SLC4A7: variants seen among roughly 807,000 people sequenced by gnomAD.
SLC4A7 encodes solute carrier family 4 member 7, also known as sodium bicarbonate cotransporter 3.
A neutral mutation model predicts 137.6 loss-of-function variants in SLC4A7; 51 were observed. That is an observed-to-expected ratio of 0.37 (90% CI 0.30 to 0.47). SLC4A7 has a LOEUF of 0.47. SLC4A7 is among the 20% of genes least tolerant of loss of function. SLC4A7 has a pLI of 1.00. For synonymous variants in SLC4A7, 542 were observed against 518.6 expected, an observed-to-expected ratio of 1.05 and a Z score of -0.61; for missense variants, 1,247 against 1,525.4, an observed-to-expected ratio of 0.82 and a Z score of 3.04.
intron 1 of SLC4A7, among the ~76,000 whole-genome samples, chr3:27,458,020 C>T (rs1387170459): frequency 1.3e-5 from 2 of 152,024 alleles, no homozygotes; most frequent in Admixed American, 6.6e-5. Context: ...AATGGTGTTC[C>T]ATGAAAATAA....
At chr3:27,478,081 A>C (rs1463050248) in intron 1 of SLC4A7, among the ~76,000 whole-genome samples, 1 of 152,180 alleles carries the variant, frequency 6.6e-6, no homozygotes, top group East Asian at 1.9e-4. Context: ...GACTGAAAAG[A>C]AGCAATACAG....
At position 27,379,248 on chromosome 3, in the gene SLC4A7, CCT is replaced by C. The variant is rs2050184253; in HGVS notation, c.3697_3698del (p.Pro1234Ter). On this transcript the variant is annotated frameshift_variant and splice_region_variant, in exon 25 of 26. Transcript: ENST00000454389. LOFTEE classifies it high-confidence loss of function. ...ENAKVTRSNMSPDKPVSVKIS... is the reference protein window; with the variant it reads ...ENAKVTRSNMXPDKPVSVKIS... The stretch of plus-strand genomic sequence containing the variant: ...GAAAACACACAAATAGTTATAACTA[CCT>C]CATGTTAGATCTGGTTACTTTGGCA... 1 of 1,494,666 alleles carries C rather than the reference CCT, an allele frequency of 6.7e-7. No individual in the cohort carries two copies. The highest frequency in any genetic ancestry group is 1.4e-5 in the African/African-American group (1 of 72,198). 92.6% of individuals were successfully genotyped at this position (1,494,666 alleles called of 1,614,324 possible).
chr3:27,404,554 T>C (rs527941146), intron 14 of SLC4A7, among the ~76,000 whole-genome samples: 189 of 152,310 alleles, frequency 1.2e-3, no homozygotes, highest in African/African-American at 4.4e-3. Context: ...TTAAATTTGT[T>C]AGCACAAAGG....
rs918973127 is a variant in SLC4A7, at chr3:27,395,074, T to C, written c.2745A>G (p.Gly915=). 1.2e-6 allele frequency: 2 copies of C among 1,609,834 alleles called. No individual in the cohort carries two copies. The highest frequency in any genetic ancestry group is 1.7e-6 in the Non-Finnish European group (2 of 1,178,760). ...TTAATAAGGTCCACCAAGGATTATCTCCCAGTGGGCTTATGATCCACCCTC... is the reference window on the plus strand; with the variant it reads ...TTAATAAGGTCCACCAAGGATTATCCCCCAGTGGGCTTATGATCCACCCTC... ...PERGWIISPL[G]DNPWWTLLIA... is the part of the protein sequence containing the mutation. The change falls in exon 19 of 26, where the codon GGA becomes GGG. Residue 915 remains glycine, a synonymous_variant. Transcript: ENST00000454389.
intron 2 of SLC4A7, 84 bp downstream of exon 2, chr3:27,452,333 T>G: frequency 1.2e-6 from 1 of 841,000 alleles, no homozygotes; most frequent in Non-Finnish European, 1.8e-6. Flanking sequence ...CAACAAATAC[T>G]AGGTAAAACT....
intron 20 of SLC4A7, among the ~76,000 whole-genome samples, chr3:27,394,083 A>G (rs985862591): frequency 1.3e-5 from 2 of 152,260 alleles, no homozygotes; most frequent in Admixed American, 6.5e-5. Context: ...CAGTGGCCCA[A>G]TCACGGCTCA....
At chr3:27,459,477 T>C (rs913280147) in intron 1 of SLC4A7, among the ~76,000 whole-genome samples, 6 of 152,202 alleles carry the variant, frequency 3.9e-5, no homozygotes, top group African/African-American at 1.4e-4. Flanking sequence ...GCTAATTCTT[T>C]AAAGATTTAT....
intron 23 of SLC4A7, among the ~76,000 whole-genome samples, chr3:27,384,818 C>G (rs898418505): frequency 2.0e-5 from 3 of 151,858 alleles, no homozygotes; most frequent in South Asian, 4.2e-4. Context: ...CAAAAATAAG[C>G]CCAGTTTGGT....
At chr3:27,445,931 CAAAAAAAAA>C (rs1164631983) in intron 3 of SLC4A7, among the ~76,000 whole-genome samples, 2 of 58,524 alleles carry the variant, frequency 3.4e-5, no homozygotes, top group Non-Finnish European at 5.4e-5. Context: ...GGCTCAGTCT[CAAAAAAAAA>C]AAAAAAAAAA....
chr3:27,397,915 G>C (rs919685505), intron 17 of SLC4A7, 118 bp from the exon 18 acceptor site: 8 of 647,934 alleles, frequency 1.2e-5, no homozygotes, highest in Middle Eastern at 4.1e-4. Context: ...CTTTTAACTA[G>C]TGACAATGTT....
chr3:27,480,653 C>T (rs909002751), intron 1 of SLC4A7, among the ~76,000 whole-genome samples: 1 of 152,150 alleles, frequency 6.6e-6, no homozygotes, highest in Non-Finnish European at 1.5e-5. Flanking sequence ...GGTGCCACAT[C>T]AATACCTAGT....
chr3:27,420,170 A>T (rs1401109539), intron 10 of SLC4A7, among the ~76,000 whole-genome samples: 1 of 152,106 alleles, frequency 6.6e-6, no homozygotes, highest in Non-Finnish European at 1.5e-5. Context: ...TCTCAAAAAA[A>T]AAAAGAAAAG....
At chr3:27,414,444 T>C (rs1387405339) in intron 11 of SLC4A7, among the ~76,000 whole-genome samples, 1 of 152,166 alleles carries the variant, frequency 6.6e-6, no homozygotes, top group Non-Finnish European at 1.5e-5. Flanking sequence ...AACATATATT[T>C]GGCATGTTAG....
chr3:27,475,826 A>T (rs1247393973), intron 1 of SLC4A7, among the ~76,000 whole-genome samples: 1 of 152,038 alleles, frequency 6.6e-6, no homozygotes, highest in East Asian at 1.9e-4. Context: ...TACTGAAAGG[A>T]CTCTACTGAG....
At chr3:27,378,631 G>A (rs1035786426) in intron 25 of SLC4A7, among the ~76,000 whole-genome samples, 1 of 152,106 alleles carries the variant, frequency 6.6e-6, no homozygotes, top group Non-Finnish European at 1.5e-5. Flanking sequence ...AAAACTGAAT[G>A]GTCTTTATGT....
intron 3 of SLC4A7, among the ~76,000 whole-genome samples, chr3:27,444,394 C>A (rs1303103660): frequency 2.0e-5 from 3 of 152,106 alleles, no homozygotes; most frequent in Admixed American, 6.5e-5. Flanking sequence ...ATAATTTTTT[C>A]AAGTATCTTT....
chr3:27,391,876 A>T (rs2051594907), intron 20 of SLC4A7, 68 bp from the exon 21 acceptor site: 1 of 853,028 alleles, frequency 1.2e-6, no homozygotes, highest in Non-Finnish European at 1.9e-6. Flanking sequence ...TCAGTGAGTA[A>T]TTATAGGGCT....
At chr3:27,421,588 G>C in intron 9 of SLC4A7, 34 bp downstream of exon 9, 1 of 1,546,324 alleles carries the variant, frequency 6.5e-7, no homozygotes, top group South Asian at 1.2e-5. Flanking sequence ...TTTTGAAAAT[G>C]CTTAGAGAAT....
intron 21 of SLC4A7, chr3:27,390,371 G>A (rs1197374697): frequency 1.0e-5 from 3 of 298,560 alleles, no homozygotes; most frequent in African/African-American, 2.2e-5. Context: ...TAATTCAGAG[G>A]ATTAAAATAT....
Sources: gnomAD v4.1 joint callset for allele counts (sites outside exome capture counted in the v4.1 genomes callset) on GRCh38, gnomAD v4.1.1 for gene constraint, MANE v1.5 for transcripts, NCBI Gene and HGNC (gene_info 2026-07-23, HGNC 2026-07-21) for gene names.